Variants in CARMIL1 observed in about 807,000 individuals in gnomAD.
CARMIL1 encodes F-actin-uncapping protein LRRC16A.
CARMIL1 carries 90 observed loss-of-function variants against 177.1 expected under a neutral mutation model. The observed-to-expected ratio is 0.51, with a 90% CI of 0.43 to 0.61. CARMIL1 has a LOEUF of 0.61. Among genes scored for constraint, CARMIL1 ranks in the 20% least tolerant of loss-of-function variants. The probability of loss-of-function intolerance (pLI) is 0.00; values close to 1 mark genes in which losing one functional copy is unlikely to be tolerated. For synonymous variants in CARMIL1, 577 were observed against 606.2 expected (o/e 0.95, Z 0.71); for missense variants, 1,380 against 1,667.0 (o/e 0.83, Z 3.00).
intron 31 of CARMIL1, among the ~76,000 whole-genome samples, chr6:25,589,813 A>G (rs540112957): frequency 6.6e-6 from 1 of 152,320 alleles, no homozygotes; most frequent in African/African-American, 2.4e-5. Context: ...TTTAAATAGG[A>G]AACTTCTATT....
At chr6:25,581,622 A>G (rs1813131248) in intron 31 of CARMIL1, among the ~76,000 whole-genome samples, 183 bp downstream of exon 31, 1 of 152,248 alleles carries the variant, frequency 6.6e-6, no homozygotes, top group African/African-American at 2.4e-5. Flanking sequence ...GAGAATGAAC[A>G]GATTGTGTCA....
chr6:25,486,611 T>A (rs980802873), intron 12 of CARMIL1, among the ~76,000 whole-genome samples: 14 of 152,202 alleles, frequency 9.2e-5, no homozygotes, highest in African/African-American at 3.1e-4. Flanking sequence ...TTTAAACAGT[T>A]ATAGAAGATA....
intron 2 of CARMIL1, among the ~76,000 whole-genome samples, chr6:25,350,262 A>G (rs6456677): frequency 0.059 from 8,951 of 152,228 alleles, 586 homozygotes; most frequent in African/African-American, 0.16. Context: ...CTCAAATACT[A>G]GAGTTTGCAG....
intron 36 of CARMIL1, among the ~76,000 whole-genome samples, chr6:25,617,150 G>A (rs189301386): frequency 7.2e-4 from 110 of 152,304 alleles, no homozygotes; most frequent in Middle Eastern, 6.8e-3. Context: ...GAATTTGGAA[G>A]CCTGGTGTCA....
intron 34 of CARMIL1, among the ~76,000 whole-genome samples, chr6:25,605,412 G>A (rs1345103724): frequency 1.3e-5 from 2 of 152,216 alleles, no homozygotes; most frequent in East Asian, 1.9e-4. Flanking sequence ...CGTTAACTGT[G>A]TGATAGAATC....
chr6:25,527,933 T>C (rs1176610817), intron 23 of CARMIL1, among the ~76,000 whole-genome samples: 1 of 152,218 alleles, frequency 6.6e-6, no homozygotes. Flanking sequence ...GGTTAAGTGA[T>C]GTTATTAAAA....
At position 25,587,582 on chromosome 6, in the gene CARMIL1, C is replaced by T. The variant is rs114800904; in HGVS notation, c.3006+6143C>T. ...TTAATATTATCTTTACAATATAAAT[C>T]TTATATTTGTTTTTGCTTTTGTACC... On this transcript the variant is annotated intron_variant, in intron 31 of 36. Coordinates refer to ENST00000329474, the MANE Select transcript of CARMIL1 (RefSeq NM_017640.6). 3.8e-3 allele frequency among the ~76,000 whole-genome samples: 585 copies of T among 152,144 alleles called. 3 individuals are homozygous for T. Among genetic ancestry groups the T allele is most frequent in the African/African-American group, 0.013 (523 of 41,480 alleles).
chr6:25,337,650 G>T (rs1298619598), intron 2 of CARMIL1, among the ~76,000 whole-genome samples: 1 of 152,222 alleles, frequency 6.6e-6, no homozygotes, highest in Non-Finnish European at 1.5e-5. Flanking sequence ...CGATTGTGAT[G>T]GTTGTGGGTC....
At chr6:25,576,854 TG>T (rs1812631464) in intron 29 of CARMIL1, 1 of 326,730 alleles carries the variant, frequency 3.1e-6, no homozygotes, top group African/African-American at 2.2e-5. Context: ...GCTTTTTATG[TG>T]TTTTAGCTTT....
rs113346736 is a variant in CARMIL1 at position 25,366,931 on chromosome 6, A to G, written c.139-53183A>G. Among the ~76,000 whole-genome samples, 510 of 152,316 alleles carry G rather than the reference A, an allele frequency of 3.3e-3. 1 individual carries two copies. The highest frequency in any genetic ancestry group is 0.011 in the African/African-American group (471 of 41,554). ...GGAAGTTAACTAGCAGATCTAGGTAACTGAACCTTGTGTACTATTCTAGAA... is the reference window on the plus strand; with the variant it reads ...GGAAGTTAACTAGCAGATCTAGGTAGCTGAACCTTGTGTACTATTCTAGAA... On this transcript the variant is annotated intron_variant, in intron 2 of 36. Transcript: ENST00000329474.
At chr6:25,605,497 T>G (rs932022992) in intron 34 of CARMIL1, among the ~76,000 whole-genome samples, 5 of 152,202 alleles carry the variant, frequency 3.3e-5, no homozygotes, top group African/African-American at 1.2e-4. Flanking sequence ...ATAAATCACA[T>G]TTTATGGGCT....
intron 2 of CARMIL1, among the ~76,000 whole-genome samples, chr6:25,314,609 C>A (rs891356831): frequency 2.9e-5 from 4 of 139,300 alleles, no homozygotes; most frequent in African/African-American, 1.1e-4. Context: ...GATAGTTAAG[C>A]TAGTTTTTGC....
intron 36 of CARMIL1, among the ~76,000 whole-genome samples, chr6:25,618,472 T>G (rs1347843305): frequency 6.6e-6 from 1 of 152,234 alleles, no homozygotes; most frequent in East Asian, 1.9e-4. Context: ...ACAAGATGAA[T>G]AGTATTTAAT....
chr6:25,560,404 G>A (rs1025962100), intron 29 of CARMIL1, among the ~76,000 whole-genome samples: 2 of 151,948 alleles, frequency 1.3e-5, no homozygotes, highest in South Asian at 2.1e-4. Flanking sequence ...CTTAGCCCCC[G>A]AGAGTCTGAC....
chr6:25,412,857 C>T (rs1048644239), intron 2 of CARMIL1, among the ~76,000 whole-genome samples: 3 of 152,174 alleles, frequency 2.0e-5, no homozygotes, highest in Admixed American at 2.0e-4. Context: ...CCATTAATAT[C>T]AATGTATCCC....
In CARMIL1 at chr6:25,604,134, C is replaced by T. The variant is rs751344573; in HGVS notation, c.3553-678C>T. On this transcript the variant is annotated intron_variant, in intron 33 of 36. Transcript: ENST00000329474. ...TCACCCAGGCTGGAGTGCATTGGCACGCTTTTATAGTTCAGTGCAGCTTTG... is the reference window on the plus strand; with the variant it reads ...TCACCCAGGCTGGAGTGCATTGGCATGCTTTTATAGTTCAGTGCAGCTTTG... 1.1e-4 allele frequency among the ~76,000 whole-genome samples: 16 copies of T among 152,088 alleles called. No homozygotes were observed. The South Asian group carries it at 1.9e-3, about 18-fold the overall frequency.
At chr6:25,332,742 T>TACACACACACACACACACACACAC (rs35133749) in intron 2 of CARMIL1, among the ~76,000 whole-genome samples, 4 of 140,180 alleles carry the variant, frequency 2.9e-5, no homozygotes, top group African/African-American at 5.5e-5. Flanking sequence ...CAAACATGCA[T>TACACACACACACACACACACACAC]ACACACACAC....
chr6:25,544,315 G>A (rs575264985), intron 26 of CARMIL1, among the ~76,000 whole-genome samples: 1 of 152,052 alleles, frequency 6.6e-6, no homozygotes, highest in African/African-American at 2.4e-5. Context: ...TAGAATCGTT[G>A]TAATAAAAAG....
intron 2 of CARMIL1, among the ~76,000 whole-genome samples, chr6:25,383,144 A>G (rs1791757048): frequency 6.6e-6 from 1 of 152,132 alleles, no homozygotes; most frequent in South Asian, 2.1e-4. Context: ...AGCCATGAGG[A>G]CATTTAAATG....
Sources: allele counts gnomAD v4.1 joint callset (sites outside exome capture counted in the v4.1 genomes callset), GRCh38; gene constraint gnomAD v4.1.1; transcripts MANE v1.5; gene names NCBI Gene and HGNC (gene_info 2026-07-23, HGNC 2026-07-21).